NKAIN2: variants seen among roughly 807,000 people sequenced by gnomAD.
The protein encoded by NKAIN2 is sodium/potassium transporting ATPase interacting 2.
In NKAIN2, 14 loss-of-function variants were observed where a neutral mutation model predicts 32.6. The observed-to-expected ratio is 0.43, with a 90% CI of 0.28 to 0.67. The LOEUF is 0.67. NKAIN2 is among the 30% of genes least tolerant of loss of function. The pLI is 0.17. For synonymous variants in NKAIN2, 80 were observed against 87.2 expected (o/e 0.92, Z 0.46); for missense variants, 198 against 258.3 (o/e 0.77, Z 1.60).
At chr6:124,409,267 G>T (rs1284379485) in intron 3 of NKAIN2, among the ~76,000 whole-genome samples, 12 of 152,212 alleles carry the variant, frequency 7.9e-5, no homozygotes, top group Middle Eastern at 3.4e-3. Context: ...TCCCTGTCTT[G>T]TGCCAGTTTT....
chr6:124,005,739 T>G (rs545774238), intron 1 of NKAIN2, among the ~76,000 whole-genome samples: 15 of 152,192 alleles, frequency 9.9e-5, no homozygotes, highest in Non-Finnish European at 2.1e-4. Context: ...TATGAAATTT[T>G]AGTTTTGACA....
At chr6:123,972,424 G>A (rs992943892) in intron 1 of NKAIN2, among the ~76,000 whole-genome samples, 6 of 152,228 alleles carry the variant, frequency 3.9e-5, no homozygotes, top group South Asian at 4.1e-4. Context: ...AAGATTAAAC[G>A]CAAACTGAAA....
At chr6:123,986,885 G>C (rs1200023992) in intron 1 of NKAIN2, among the ~76,000 whole-genome samples, 1 of 152,152 alleles carries the variant, frequency 6.6e-6, no homozygotes, top group Non-Finnish European at 1.5e-5. Context: ...GTTTGGTGTT[G>C]AGGTTGCCTG....
intron 3 of NKAIN2, among the ~76,000 whole-genome samples, chr6:124,536,944 G>C (rs1285295177): frequency 6.6e-6 from 1 of 152,188 alleles, no homozygotes. Flanking sequence ...TGAAATTTCA[G>C]CTTTATGGGA....
intron 3 of NKAIN2, among the ~76,000 whole-genome samples, chr6:124,566,939 C>T (rs1349165345): frequency 6.6e-6 from 1 of 152,150 alleles, no homozygotes; most frequent in Non-Finnish European, 1.5e-5. Flanking sequence ...TTGTAAAACA[C>T]TCATCAATGC....
At chr6:124,360,513 T>C (rs527527399) in intron 3 of NKAIN2, among the ~76,000 whole-genome samples, 2 of 152,292 alleles carry the variant, frequency 1.3e-5, no homozygotes, top group African/African-American at 2.4e-5. Flanking sequence ...AGTTAATATA[T>C]TTTCTTCATT....
chr6:124,773,929 C>A (rs776637266), intron 4 of NKAIN2, among the ~76,000 whole-genome samples: 1 of 152,018 alleles, frequency 6.6e-6, no homozygotes, highest in African/African-American at 2.4e-5. Context: ...CAAGGAAGCT[C>A]ATGATAGCTA....
At chr6:124,213,752 G>C (rs1201611670) in intron 1 of NKAIN2, among the ~76,000 whole-genome samples, 1 of 152,064 alleles carries the variant, frequency 6.6e-6, no homozygotes, top group Non-Finnish European at 1.5e-5. Context: ...TCCATATAGT[G>C]ATTTAATTCT....
chr6:124,636,117 C>G (rs370781063), intron 3 of NKAIN2, among the ~76,000 whole-genome samples: 1 of 151,224 alleles, frequency 6.6e-6, no homozygotes, highest in East Asian at 1.9e-4. Context: ...TAGAATAAAA[C>G]TAGAAATAAA....
chr6:124,020,245 A>G (rs1008497674), intron 1 of NKAIN2, among the ~76,000 whole-genome samples: 2 of 152,128 alleles, frequency 1.3e-5, no homozygotes, highest in Admixed American at 6.6e-5. Context: ...TTAGTAAAGG[A>G]GTAATATTCT....
chr6:124,489,795 A>G (rs980470330), intron 3 of NKAIN2, among the ~76,000 whole-genome samples: 10 of 151,808 alleles, frequency 6.6e-5, no homozygotes, highest in African/African-American at 2.2e-4. Context: ...GTGTCACCAA[A>G]CATATTCATA....
intron 3 of NKAIN2, among the ~76,000 whole-genome samples, chr6:124,529,151 A>C (rs1443552347): frequency 6.6e-6 from 1 of 152,310 alleles, no homozygotes; most frequent in East Asian, 1.9e-4. Context: ...TACTAACATT[A>C]GTTTCTAGCA....
At chr6:124,296,333 GT>G (rs1371836337) in intron 2 of NKAIN2, among the ~76,000 whole-genome samples, 1 of 152,042 alleles carries the variant, frequency 6.6e-6, no homozygotes, top group East Asian at 1.9e-4. Context: ...TCTCAGTTAT[GT>G]TTTATTTCAA....
intron 1 of NKAIN2, among the ~76,000 whole-genome samples, chr6:123,923,820 T>C (rs552247487): frequency 9.0e-5 from 13 of 144,142 alleles, no homozygotes; most frequent in African/African-American, 2.5e-4. Context: ...AGGGATAGCA[T>C]TGGGAGATAT....
intron 4 of NKAIN2, among the ~76,000 whole-genome samples, chr6:124,695,967 G>A (rs1220829003): frequency 2.0e-5 from 3 of 152,174 alleles, no homozygotes; most frequent in African/African-American, 7.2e-5. Flanking sequence ...TTTGTGCTTA[G>A]GTTCCTTGAA....
intron 1 of NKAIN2, among the ~76,000 whole-genome samples, chr6:124,064,190 A>G (rs989685568): frequency 6.6e-6 from 1 of 152,106 alleles, no homozygotes; most frequent in Non-Finnish European, 1.5e-5. Context: ...TGACCTTGTC[A>G]TCCGCCCACC....
intron 4 of NKAIN2, among the ~76,000 whole-genome samples, chr6:124,744,575 G>C (rs906961637): frequency 1.3e-5 from 2 of 151,394 alleles, no homozygotes; most frequent in Admixed American, 6.6e-5. Flanking sequence ...TTTTATCCCC[G>C]TGTAGTGAAC....
chr6:124,403,559 T>C (rs976357789), intron 3 of NKAIN2, among the ~76,000 whole-genome samples: 3 of 152,184 alleles, frequency 2.0e-5, no homozygotes, highest in Admixed American at 1.3e-4. Flanking sequence ...GCAATGATTA[T>C]ATACATTTTT....
At chr6:123,928,085 A>G (rs1776087441) in intron 1 of NKAIN2, among the ~76,000 whole-genome samples, 1 of 152,192 alleles carries the variant, frequency 6.6e-6, no homozygotes, top group Non-Finnish European at 1.5e-5. Context: ...GCACAGAATA[A>G]TGTCCTGTAG....
Sources: allele counts gnomAD v4.1 joint callset (sites outside exome capture counted in the v4.1 genomes callset), GRCh38; gene constraint gnomAD v4.1.1; transcripts MANE v1.5; gene names NCBI Gene and HGNC (gene_info 2026-07-23, HGNC 2026-07-21).